CDYL2: variants seen among roughly 807,000 people sequenced by gnomAD.
CDYL2 encodes chromodomain Y like 2.
In CDYL2, 23 loss-of-function variants were observed where a neutral mutation model predicts 49.4. That is an observed-to-expected ratio of 0.47 (90% CI 0.34 to 0.66). The LOEUF is 0.66. Among genes scored for constraint, CDYL2 ranks in the 30% least tolerant of loss-of-function variants. The pLI, the probability that CDYL2 is intolerant of heterozygous loss-of-function variation, is 0.01. For synonymous variants in CDYL2, 360 were observed against 268.8 expected (o/e 1.34, Z -3.32); for missense variants, 678 against 656.4 (o/e 1.03, Z -0.36).
At chr16:80,775,973 A>C (rs1484127949) in intron 1 of CDYL2, among the ~76,000 whole-genome samples, 1 of 151,948 alleles carries the variant, frequency 6.6e-6, no homozygotes, top group Admixed American at 6.6e-5. Flanking sequence ...AAATTCAGTA[A>C]CACTGCAAAA....
intron 1 of CDYL2, among the ~76,000 whole-genome samples, chr16:80,692,483 T>C (rs921669970): frequency 6.6e-6 from 1 of 152,178 alleles, no homozygotes; most frequent in Non-Finnish European, 1.5e-5. Flanking sequence ...CTCAAACAGG[T>C]ACTTCAGAGA....
At chr16:80,712,890 A>G (rs1904668683) in intron 1 of CDYL2, among the ~76,000 whole-genome samples, 1 of 152,158 alleles carries the variant, frequency 6.6e-6, no homozygotes, top group African/African-American at 2.4e-5. Context: ...GCCCAGCCCA[A>G]AGGGGTACCA....
chr16:80,635,757 G>A (rs13336185), intron 2 of CDYL2, among the ~76,000 whole-genome samples: 8,969 of 152,044 alleles, frequency 0.059, 809 homozygotes, highest in African/African-American at 0.2. Flanking sequence ...TATAGCCAAG[G>A]CAATCCTAAG....
chr16:80,639,608 A>G (rs1224521603), intron 2 of CDYL2: 1 of 446,412 alleles, frequency 2.2e-6, no homozygotes, highest in South Asian at 1.6e-5. Flanking sequence ...CATCAAATTA[A>G]CAACTGTCTA....
At chr16:80,763,430 C>T (rs944554149) in intron 1 of CDYL2, among the ~76,000 whole-genome samples, 8 of 113,858 alleles carry the variant, frequency 7.0e-5, no homozygotes, top group Non-Finnish European at 1.5e-4. Flanking sequence ...ATGGTGAAAC[C>T]CTGTCTCTAT....
At chr16:80,688,250 A>C (rs1034122282) in intron 1 of CDYL2, among the ~76,000 whole-genome samples, 3 of 152,136 alleles carry the variant, frequency 2.0e-5, no homozygotes, top group Admixed American at 2.0e-4. Flanking sequence ...GCTTGTCAAC[A>C]ATTTCTACTT....
chr16:80,789,120 A>C (rs950514504), intron 1 of CDYL2, among the ~76,000 whole-genome samples: 1 of 152,192 alleles, frequency 6.6e-6, no homozygotes, highest in East Asian at 1.9e-4. Flanking sequence ...TCAAAAAAAA[A>C]CAACAGAGTT....
At chr16:80,692,592 G>A (rs551282788) in intron 1 of CDYL2, among the ~76,000 whole-genome samples, 64 of 152,172 alleles carry the variant, frequency 4.2e-4, no homozygotes, top group Non-Finnish European at 8.7e-4. Flanking sequence ...TAAATACCTG[G>A]AGTTGAGGCT....
intron 2 of CDYL2, among the ~76,000 whole-genome samples, chr16:80,654,557 G>A (rs1908723753): frequency 6.6e-6 from 1 of 152,198 alleles, no homozygotes; most frequent in Non-Finnish European, 1.5e-5. Context: ...GAAGCCTACA[G>A]GAATTGCCCC....
chr16:80,661,401 C>G (rs1909039166), intron 2 of CDYL2, among the ~76,000 whole-genome samples: 1 of 152,208 alleles, frequency 6.6e-6, no homozygotes, highest in Non-Finnish European at 1.5e-5. Context: ...AGTCCTTTCT[C>G]TCAACTATGC....
At chr16:80,648,535 G>C (rs2142415684) in intron 2 of CDYL2, among the ~76,000 whole-genome samples, 1 of 152,002 alleles carries the variant, frequency 6.6e-6, no homozygotes. Context: ...AAAAGTCTGG[G>C]ACCCAATGTC....
At chr16:80,685,217 G>C (rs1910142242) in intron 1 of CDYL2, 88 bp from the exon 2 acceptor site, 1 of 1,041,616 alleles carries the variant, frequency 9.6e-7, no homozygotes, top group Non-Finnish European at 1.4e-6. Flanking sequence ...TAAAGCCTTT[G>C]GGATAGAGGC....
chr16:80,618,319 T>A (rs1339375780), intron 4 of CDYL2, among the ~76,000 whole-genome samples: 1 of 152,256 alleles, frequency 6.6e-6, no homozygotes, highest in Non-Finnish European at 1.5e-5. Context: ...CAATCCCATC[T>A]GCCTCTGACA....
intron 3 of CDYL2, among the ~76,000 whole-genome samples, chr16:80,629,645 G>C (rs879316801): frequency 6.6e-6 from 1 of 152,182 alleles, no homozygotes; most frequent in African/African-American, 2.4e-5. Context: ...CTGTATCCCA[G>C]ACAGGAGAAA....
intron 1 of CDYL2, among the ~76,000 whole-genome samples, chr16:80,724,245 G>T (rs1905094409): frequency 6.7e-6 from 1 of 149,586 alleles, no homozygotes; most frequent in Admixed American, 6.7e-5. Context: ...GAAAGAGGAA[G>T]AAGATGAGGA....
chr16:80,670,237 T>C (rs10871394), intron 2 of CDYL2, among the ~76,000 whole-genome samples: 69,682 of 152,004 alleles, frequency 0.46, 18,981 homozygotes, highest in Middle Eastern at 0.69. Context: ...AATTGTAGTT[T>C]TTATAATCCC....
At chr16:80,681,401 C>T (rs747686317) in intron 2 of CDYL2, among the ~76,000 whole-genome samples, 1 of 152,172 alleles carries the variant, frequency 6.6e-6, no homozygotes, top group African/African-American at 2.4e-5. Context: ...GGCCTGAACA[C>T]TGGCTTCAGC....
chr16:80,792,851 T>A (rs571159485), intron 1 of CDYL2, among the ~76,000 whole-genome samples: 2 of 152,192 alleles, frequency 1.3e-5, no homozygotes, highest in Non-Finnish European at 2.9e-5. Flanking sequence ...TCCGCCCAAG[T>A]CTATACCCCT....
chr16:80,670,763 T>C (rs1909468308), intron 2 of CDYL2, among the ~76,000 whole-genome samples: 1 of 152,120 alleles, frequency 6.6e-6, no homozygotes. Context: ...AGAAGCCATG[T>C]TGCAACATAA....
Sources: gnomAD v4.1 joint callset for allele counts (sites outside exome capture counted in the v4.1 genomes callset) on GRCh38, gnomAD v4.1.1 for gene constraint, MANE v1.5 for transcripts, NCBI Gene and HGNC (gene_info 2026-07-23, HGNC 2026-07-21) for gene names.